NFATC3: variants seen among roughly 807,000 people sequenced by gnomAD.
NFATC3 encodes nuclear factor of activated T cells 3.
A neutral mutation model predicts 98.6 loss-of-function variants in NFATC3; 46 were observed. The observed-to-expected ratio is 0.47, with a 90% CI of 0.37 to 0.60. NFATC3 has a LOEUF of 0.60. Among genes scored for constraint, NFATC3 ranks in the 20% least tolerant of loss-of-function variants. NFATC3 has a pLI of 0.00. For missense variants in NFATC3, 1,256 were observed against 1,295.5 expected (o/e 0.97, Z 0.47); for synonymous variants, 512 against 472.2 (o/e 1.08, Z -1.09).
intron 1 of NFATC3, among the ~76,000 whole-genome samples, chr16:68,117,648 C>T (rs532533468): frequency 6.6e-6 from 1 of 152,288 alleles, no homozygotes; most frequent in East Asian, 1.9e-4. Flanking sequence ...GCTGGGACTA[C>T]AGTACAGGCA....
chr16:68,114,576 CTTTT>C (rs766989438), intron 1 of NFATC3, among the ~76,000 whole-genome samples: 1 of 136,752 alleles, frequency 7.3e-6, no homozygotes, highest in Non-Finnish European at 1.6e-5. Flanking sequence ...AGGAAAAGCA[CTTTT>C]TTTTTTTTTT....
At chr16:68,089,083 T>C in intron 1 of NFATC3, 1 of 985,456 alleles carries the variant, frequency 1.0e-6, no homozygotes, top group Non-Finnish European at 1.2e-6. Context: ...TATTGATGAG[T>C]TCCATAAATT....
chr16:68,123,497 C>T (rs955335589), intron 2 of NFATC3, among the ~76,000 whole-genome samples: 3 of 73,854 alleles, frequency 4.1e-5, no homozygotes, highest in Non-Finnish European at 9.2e-5. Flanking sequence ...CCTGTCTCTA[C>T]AAAAAAAAAA....
At chr16:68,219,702 A>G (rs573302883) in intron 9 of NFATC3, among the ~76,000 whole-genome samples, 1 of 152,352 alleles carries the variant, frequency 6.6e-6, no homozygotes, top group South Asian at 2.1e-4. Context: ...TTGCAGCTTC[A>G]AGAGGAAATA....
At chr16:68,223,546 G>T (rs2041940236) in intron 9 of NFATC3, among the ~76,000 whole-genome samples, 1 of 152,138 alleles carries the variant, frequency 6.6e-6, no homozygotes, top group South Asian at 2.1e-4. Context: ...GTTCAAGTTT[G>T]AACCATGATT....
intron 3 of NFATC3, among the ~76,000 whole-genome samples, chr16:68,148,166 G>A (rs1269024254): frequency 6.6e-6 from 1 of 151,930 alleles, no homozygotes; most frequent in Non-Finnish European, 1.5e-5. Flanking sequence ...AGAGGCATTC[G>A]CCACCATGCC....
rs370648519 is a variant in NFATC3, at chr16:68,136,604, A to C, written c.1401+9994A>C. Among the ~76,000 whole-genome samples, 34 of 152,288 alleles carry C rather than the reference A, an allele frequency of 2.2e-4. 1 individual carries two copies. The South Asian group carries it at 6.8e-3, about 31-fold the overall frequency. On this transcript the variant is annotated intron_variant, in intron 3 of 9. Coordinates refer to ENST00000346183, the MANE Select transcript of NFATC3 (RefSeq NM_173165.3). The stretch of plus-strand genomic sequence containing the variant: ...CATTTAATCTTTACAAAAGTTCTTT[A>C]AAAAGGGCAAAGCAAGTACAGTCAT...
At chr16:68,170,416 A>G (rs2039405103) in intron 5 of NFATC3, among the ~76,000 whole-genome samples, 1 of 150,472 alleles carries the variant, frequency 6.6e-6, no homozygotes, top group Non-Finnish European at 1.5e-5. Context: ...ACAAAATGGT[A>G]CAAAGAATAG....
chr16:68,190,040 C>G (rs1332259819), intron 8 of NFATC3, among the ~76,000 whole-genome samples: 1 of 151,378 alleles, frequency 6.6e-6, no homozygotes, highest in African/African-American at 2.4e-5. Flanking sequence ...CCCTGTTTCC[C>G]AAAAACAAAA....
intron 5 of NFATC3, among the ~76,000 whole-genome samples, chr16:68,173,081 AC>A (rs2039538323): frequency 6.6e-6 from 1 of 151,660 alleles, no homozygotes; most frequent in Non-Finnish European, 1.5e-5. Context: ...ACAAAGTGAG[AC>A]CCTATCTCTA....
rs2036615646 is a variant in NFATC3 at position 68,122,274 on chromosome 16, C to T, written c.391C>T (p.Leu131=). The T allele has an allele frequency of 1.9e-6, 3 of 1,614,082 alleles. No homozygotes were observed. The highest frequency in any genetic ancestry group is 1.3e-5 in the African/African-American group (1 of 75,020). ...AGAATTAGATGCACATGAAGATGAC[C>T]TACAGATAAATGACCCAGAACGGGA... is the stretch of plus-strand genomic sequence containing the variant. ...HQELDAHEDD[L]QINDPEREFL... The change falls in exon 2 of 10, where the codon CTA becomes TTA. Residue 131 remains leucine, a synonymous_variant. Coordinates refer to ENST00000346183, the MANE Select transcript of NFATC3 (RefSeq NM_173165.3).
At chr16:68,093,767 T>C (rs1785327827) in intron 1 of NFATC3, among the ~76,000 whole-genome samples, 2 of 152,216 alleles carry the variant, frequency 1.3e-5, no homozygotes, top group South Asian at 4.1e-4. Flanking sequence ...TAGCTGGTAT[T>C]TGAACTTTGG....
chr16:68,197,013 A>G (rs890910848), intron 9 of NFATC3, among the ~76,000 whole-genome samples: 3 of 152,132 alleles, frequency 2.0e-5, no homozygotes, highest in African/African-American at 4.8e-5. Flanking sequence ...CTGGGCAACA[A>G]GAGTGAAAGT....
chr16:68,127,282 A>C (rs2151511738), intron 3 of NFATC3, among the ~76,000 whole-genome samples: 1 of 152,164 alleles, frequency 6.6e-6, no homozygotes, highest in South Asian at 2.1e-4. Flanking sequence ...CCAAAATCTA[A>C]CCCTCTCAGA....
intron 9 of NFATC3, chr16:68,214,439 G>A: frequency 6.2e-7 from 1 of 1,611,058 alleles, no homozygotes; most frequent in Non-Finnish European, 8.5e-7. Context: ...GAGGGTGAGT[G>A]TTGATTGAAA....
Position 68,085,781 on chromosome 16 carries a change from G to A in NFATC3, c.100G>A (p.Ala34Thr). 6.8e-7 allele frequency: 1 copy of A among 1,479,478 alleles called. No individual in the cohort carries two copies. The allele number at this position is 1,479,478 out of a possible 1,614,324, so 91.6% of individuals were successfully genotyped here. A position where few individuals can be genotyped will look rare whatever the true frequency, so the allele number is the denominator to read the frequency against. ...GCCGCCGCCCCCGGGCTCGCGGCCT[G>A]CAGGTGGGTGCCGGGCCAGGCGGGA... is the stretch of plus-strand genomic sequence containing the variant. The part of the protein sequence containing the change: ...PAPPPPGSRP[A>T]DLEPDDCASI... Residue 34 changes from alanine (A) to threonine (T), a missense_variant, in exon 1 of 10, where the codon GCA becomes ACA. By Grantham distance (58) the Ala-to-Thr change is moderately conservative. Transcript: ENST00000346183.
chr16:68,132,177 A>G (rs1452723188), intron 3 of NFATC3, among the ~76,000 whole-genome samples: 3 of 152,212 alleles, frequency 2.0e-5, no homozygotes, highest in Non-Finnish European at 4.4e-5. Context: ...AACAAAATGT[A>G]TGTGTGTGTA....
intron 1 of NFATC3, among the ~76,000 whole-genome samples, chr16:68,100,857 T>G (rs2035304599): frequency 1.3e-5 from 2 of 151,652 alleles, no homozygotes; most frequent in South Asian, 4.2e-4. Flanking sequence ...TTAGATTGGG[T>G]TGTTTTCTTA....
intron 9 of NFATC3, chr16:68,200,480 G>A (rs1318811230): frequency 2.0e-5 from 3 of 151,894 alleles, no homozygotes; most frequent in Non-Finnish European, 4.4e-5. Context: ...TCATTGAGAT[G>A]ATTTCGGTGC....
Sources: allele counts gnomAD v4.1 joint callset (sites outside exome capture counted in the v4.1 genomes callset), GRCh38; gene constraint gnomAD v4.1.1; transcripts MANE v1.5; gene names NCBI Gene and HGNC (gene_info 2026-07-23, HGNC 2026-07-21).